Variants in COL20A1 observed in about 807,000 individuals in gnomAD.
COL20A1 encodes the protein collagen type XX alpha 1 chain.
In COL20A1, 164 loss-of-function variants were observed where a neutral mutation model predicts 152.9. The observed-to-expected ratio is 1.07, with a 90% confidence interval of 0.94 to 1.22. COL20A1 has a LOEUF of 1.22. Among genes scored for constraint, COL20A1 ranks in the 50% most tolerant of loss-of-function variants. The probability of loss-of-function intolerance (pLI) is 0.00; values close to 1 mark genes in which losing one functional copy is unlikely to be tolerated. For missense variants in COL20A1, 1,873 were observed against 1,744.8 expected (o/e 1.07, Z -1.31); for synonymous variants, 864 against 756.0 (o/e 1.14, Z -2.34).
chr20:63,308,135 C>T (rs766191426), intron 7 of COL20A1, 45 bp downstream of exon 7: 1 of 1,582,374 alleles, frequency 6.3e-7, no homozygotes, highest in East Asian at 2.2e-5. Context: ...GGGCGGACCT[C>T]CTTCTGCCGC....
intron 2 of COL20A1, among the ~76,000 whole-genome samples, chr20:63,295,432 C>T (rs989150225): frequency 1.3e-5 from 2 of 152,252 alleles, no homozygotes; most frequent in East Asian, 1.9e-4. Flanking sequence ...AATGCTTGGC[C>T]GAGAGTTATT....
intron 35 of COL20A1, among the ~76,000 whole-genome samples, chr20:63,329,864 A>G (rs1042617375): frequency 6.6e-6 from 1 of 151,316 alleles, no homozygotes; most frequent in Non-Finnish European, 1.5e-5. Flanking sequence ...GTGGGGTCAC[A>G]GGGTGTGGGG....
In COL20A1 at chr20:63,333,062, C is replaced by T. The variant is rs1006919195; in HGVS notation, c.*2346C>T. ...CAGGGACTGAGCCGGGGCTCACGCTCCTGGCCAGAGCGCTGGGTTTCTGGC... is the reference window on the plus strand; with the variant it reads ...CAGGGACTGAGCCGGGGCTCACGCTTCTGGCCAGAGCGCTGGGTTTCTGGC... On this transcript the variant is annotated 3_prime_UTR_variant, in exon 36 of 36. Transcript: ENST00000358894. 2.6e-5 allele frequency: 4 copies of T among 151,818 alleles called. No homozygotes were observed. The highest frequency in any genetic ancestry group is 9.7e-5 in the African/African-American group (4 of 41,302). The allele number at this position is 151,818 out of a possible 1,614,324, so 9.4% of individuals were successfully genotyped here.
intron 35 of COL20A1, among the ~76,000 whole-genome samples, chr20:63,330,303 G>A (rs1025455816): frequency 3.9e-5 from 6 of 152,124 alleles, no homozygotes; most frequent in African/African-American, 1.2e-4. Context: ...AGAGCGTGGC[G>A]CAGGGTGTGT....
rs371663966 is a variant in COL20A1, at chr20:63,319,143, G to A, written c.2749G>A (p.Ala917Thr). ...LLPETPREAF[A>T]LWQMTAEDFQ... Reference sequence around the variant, plus strand: ...TCCCGAGACACCCCGTGAGGCCTTCGCGCTGTGGCAGATGACAGCCGAGGA... The same window carrying A: ...TCCCGAGACACCCCGTGAGGCCTTCACGCTGTGGCAGATGACAGCCGAGGA... Residue 917 changes from alanine (A) to threonine (T), a missense_variant, in exon 22 of 36, where the codon GCG becomes ACG. Physicochemically the swap from Ala to Thr is moderately conservative, Grantham distance 58 (BLOSUM62 0). Coordinates refer to ENST00000358894, the MANE Select transcript of COL20A1 (RefSeq NM_020882.4). The surrounding 1 kb of genome is among the most constrained non-coding windows in gnomAD (Gnocchi z 4.4). The A allele has an allele frequency of 6.1e-5, 98 of 1,612,712 alleles. No homozygotes were observed. Among genetic ancestry groups the A allele is most frequent in the East Asian group, 1.8e-4 (8 of 44,824 alleles).
rs766845299 is a variant in COL20A1 at position 63,309,738 on chromosome 20, C to T, written c.1106-20C>T. ...GCCCGTGCAGTGACCACCTGCCCCC[C>T]ACTCCCGCTACTCCAGCAGCAGCGG... On this transcript the variant is annotated intron_variant, in intron 9 of 35. Transcript: ENST00000358894. 31 of 1,539,152 alleles carry T rather than the reference C, an allele frequency of 2.0e-5. 1 individual carries two copies. The highest frequency in any genetic ancestry group is 1.6e-4 in the South Asian group (13 of 80,916).
In COL20A1 at chr20:63,312,922, G is replaced by T; in HGVS notation, c.2064G>T (p.Gly688=). The change falls in exon 16 of 36, where the codon GGG becomes GGT. Residue 688 remains glycine (G), a synonymous_variant. Transcript: ENST00000358894. ...YQITWTPLGE[G]KAHEISVPGN... is the part of the protein sequence containing the mutation. ...TCACGTGGACGCCCCTGGGAGAGGG[G>T]AAGGCTCACGAGGTGGGCAGGGGTG... 1 of 1,553,090 alleles carries T rather than the reference G, an allele frequency of 6.4e-7. No individual in the cohort carries two copies. Among genetic ancestry groups the T allele is most frequent in the South Asian group, 1.2e-5 (1 of 84,318 alleles).
intron 14 of COL20A1, 150 bp downstream of exon 14, chr20:63,312,205 G>A: frequency 8.8e-7 from 1 of 1,138,224 alleles, no homozygotes; most frequent in Non-Finnish European, 1.2e-6. Context: ...GGGGGCAGAT[G>A]TGGGTGTGGG....
rs755698534 is a variant in COL20A1 at position 63,328,363 on chromosome 20, A to G, written c.3646A>G (p.Asn1216Asp). Reference sequence around the variant, plus strand: ...GTCAAAGTTCGACTCCTTCCACGAGAACACCAGGCCCCCCATGCCCATCTT... The same window carrying G: ...GTCAAAGTTCGACTCCTTCCACGAGGACACCAGGCCCCCCATGCCCATCTT... ...HVSKFDSFHENTRPPMPILEQ... is the reference protein window; with the variant it reads ...HVSKFDSFHEDTRPPMPILEQ... Residue 1216 changes from asparagine (N) to aspartate (D), a missense_variant, in exon 34 of 36, where the codon AAC (asparagine) becomes GAC (aspartate). Coordinates refer to ENST00000358894, the MANE Select transcript of COL20A1 (RefSeq NM_020882.4). The G allele has an allele frequency of 3.1e-6, 5 of 1,612,690 alleles. No homozygotes were observed. The South Asian group carries it at 5.5e-5, about 18-fold the overall frequency.
In COL20A1 at chr20:63,305,703, G is replaced by A. The variant is rs561824891; in HGVS notation, c.337+143G>A. The A allele has an allele frequency of 1.7e-4, 193 of 1,145,486 alleles. 1 individual carries two copies. The South Asian group carries it at 2.3e-3, about 14-fold the overall frequency. The allele number at this position is 1,145,486 out of a possible 1,614,324, so 71.0% of individuals were successfully genotyped here. On this transcript the variant is annotated intron_variant, in intron 4 of 35. Transcript: ENST00000358894. This position sits in a 1 kb window ranked among gnomAD's most constrained non-coding sequence, Gnocchi z 4.9. ...GAAGCAGTTCTGGGCTGTGCTAGGGGCAGGTTCAAGTCCCGACTCACCAGC... is the reference window on the plus strand; with the variant it reads ...GAAGCAGTTCTGGGCTGTGCTAGGGACAGGTTCAAGTCCCGACTCACCAGC...
In COL20A1 at chr20:63,327,972, G is replaced by A; in HGVS notation, c.3549G>A (p.Gly1183=). The part of the protein sequence containing the change: ...VGPTGLPGPK[G]ERGEKGEPQS... ...ATCAGGGACTGCCAGGGCCCAAAGG[G>A]GAACGAGGAGAGAAGGTAAGTGAGG... The change falls in exon 32 of 36, where the codon GGG becomes GGA. Residue 1183 remains glycine, a synonymous_variant. Coordinates refer to ENST00000358894, the MANE Select transcript of COL20A1 (RefSeq NM_020882.4). 6.2e-7 allele frequency: 1 copy of A among 1,606,060 alleles called. No homozygotes were observed. The highest frequency in any genetic ancestry group is 1.1e-5 in the South Asian group (1 of 89,472).
At chr20:63,304,183 G>C (rs1330547731) in intron 3 of COL20A1, among the ~76,000 whole-genome samples, 4 of 124,476 alleles carry the variant, frequency 3.2e-5, no homozygotes, top group South Asian at 3.0e-4. Flanking sequence ...CTCCCTCCAG[G>C]TGTGCATGTG....
chr20:63,326,125 C>G lies in COL20A1; in HGVS notation c.3432C>G (p.Gly1144=). Residue 1144 remains glycine, a synonymous_variant, in exon 30 of 36, where the codon GGC becomes GGG. Transcript: ENST00000358894. The part of the protein sequence containing the change: ...KGMRGLEGTA[G]LPGPPGPRGF... Reference sequence around the variant, plus strand: ...TGAGAGGCCTGGAGGGAACTGCTGGCCTGCCTGGACCCCCTGGCCCCAGGG... The same window carrying G: ...TGAGAGGCCTGGAGGGAACTGCTGGGCTGCCTGGACCCCCTGGCCCCAGGG... The G allele has an allele frequency of 6.2e-7, 1 of 1,612,594 alleles. No homozygotes were observed. The highest frequency in any genetic ancestry group is 8.5e-7 in the Non-Finnish European group (1 of 1,179,636).
intron 35 of COL20A1, among the ~76,000 whole-genome samples, chr20:63,330,195 T>C (rs1174278087): frequency 6.6e-6 from 1 of 152,018 alleles, no homozygotes; most frequent in Non-Finnish European, 1.5e-5. Context: ...TGTGCAAACT[T>C]AGCTGAGGGG....
Position 63,316,671 on chromosome 20 carries a change from C to G in COL20A1, c.2643C>G (p.Ala881=). The G allele has an allele frequency of 1.3e-6, 2 of 1,571,182 alleles. No homozygotes were observed. Among genetic ancestry groups the G allele is most frequent in the Non-Finnish European group, 1.7e-6 (2 of 1,159,302 alleles). Residue 881 remains alanine (A), a synonymous_variant, in exon 21 of 36, where the codon GCC becomes GCG. Transcript: ENST00000358894. ...GTPTFTLFKD[A]QLTRRVSDVY... ...CGACCTTCACGCTCTTCAAGGACGC[C>G]CAGCTGACAAGACGGGTCAGGTGTG...
chr20:63,309,359 C>T lies in COL20A1; in HGVS notation c.967C>T (p.Leu323=). The T allele has an allele frequency of 3.3e-6, 5 of 1,528,248 alleles. No homozygotes were observed. Among genetic ancestry groups the T allele is most frequent in the Non-Finnish European group, 4.4e-6 (5 of 1,131,370 alleles). The allele number at this position is 1,528,248 out of a possible 1,614,324, so 94.7% of individuals were successfully genotyped here. ...VGVKNADEAE[L]RLLASPPRDI... is the part of the protein sequence containing the mutation. ...TGTGAAGAACGCCGATGAGGCTGAG[C>T]TGAGGCTCCTGGCGTCCCCGCCGAG... The change falls in exon 9 of 36, where the codon CTG becomes TTG. Residue 323 remains leucine (L), a synonymous_variant. Coordinates refer to ENST00000358894, the MANE Select transcript of COL20A1 (RefSeq NM_020882.4).
At chr20:63,312,665 GTGGGGA>G in intron 15 of COL20A1, 116 bp downstream of exon 15, 1 of 1,464,208 alleles carries the variant, frequency 6.8e-7, no homozygotes, top group Non-Finnish European at 9.2e-7. Flanking sequence ...GCTGAGCCAG[GTGGGGA>G]TGGGCACCCG....
chr20:63,324,975 G>A, intron 27 of COL20A1: 1 of 279,220 alleles, frequency 3.6e-6, no homozygotes, highest in Non-Finnish European at 7.1e-6. Context: ...CACCCCGTTA[G>A]AACCCAGAGT....
Position 63,308,660 on chromosome 20 carries a change from T to C in COL20A1, c.894T>C (p.Thr298=). The part of the protein sequence containing the change: ...TDGKSQDDVH[T]AARVLKDLGV... ...GCAAGTCCCAGGACGATGTGCACAC[T>C]GCTGCCCGTGTCCTCAAGGACCTGG... Residue 298 remains threonine (T), a synonymous_variant, in exon 8 of 36, where the codon ACT becomes ACC. Coordinates refer to ENST00000358894, the MANE Select transcript of COL20A1 (RefSeq NM_020882.4). 6.2e-7 allele frequency: 1 copy of C among 1,607,804 alleles called. No individual in the cohort carries two copies. Among genetic ancestry groups the C allele is most frequent in the Non-Finnish European group, 8.5e-7 (1 of 1,177,652 alleles).
Sources: gnomAD v4.1 joint callset for allele counts (sites outside exome capture counted in the v4.1 genomes callset) on GRCh38, gnomAD v4.1.1 for gene constraint, Gnocchi (gnomAD v3.1) non-coding constraint, MANE v1.5 for transcripts, NCBI Gene and HGNC (gene_info 2026-07-23, HGNC 2026-07-21) for gene names.